The following NLRP14 variants were observed in gnomAD, a reference collection of about 807,000 sequenced individuals.
NLRP14 encodes the protein NACHT, LRR and PYD domains-containing protein 14.
In NLRP14, 105 loss-of-function variants were observed where a neutral mutation model predicts 94.7. The ratio of observed to expected loss-of-function variants is 1.11; its 90% CI spans 0.95 to 1.30. The LOEUF (loss-of-function observed/expected upper bound fraction) is 1.30. Ranked by LOEUF, NLRP14 falls within the 50% of genes most tolerant of loss-of-function variation. NLRP14 has a pLI of 0.00. For missense variants in NLRP14, 1,362 were observed against 1,254.1 expected (o/e 1.09, Z -1.30); for synonymous variants, 508 against 459.9 (o/e 1.10, Z -1.34).
chr11:7,041,483 T>C (rs997128139), intron 3 of NLRP14, among the ~76,000 whole-genome samples: 1 of 152,136 alleles, frequency 6.6e-6, no homozygotes, highest in African/African-American at 2.4e-5. Flanking sequence ...CATATCTTTT[T>C]TGGTTATTAT....
At chr11:7,087,258 A>G in the NLRP14 span, among the ~76,000 whole-genome samples, 6 of 152,342 alleles carry the variant, frequency 3.9e-5, no homozygotes, top group African/African-American at 1.4e-4. Flanking sequence ...GCCAATACCA[A>G]TGTGTAACCT....
chr11:7,089,070 C>G, the NLRP14 span: 215 of 1,579,784 alleles, frequency 1.4e-4, no homozygotes, highest in African/African-American at 2.7e-3. Flanking sequence ...CTGCGACTGG[C>G]GCCGCCTCAC....
At chr11:7,048,665 G>A (rs1852396216) in intron 5 of NLRP14, among the ~76,000 whole-genome samples, 1 of 152,022 alleles carries the variant, frequency 6.6e-6, no homozygotes, top group Admixed American at 6.6e-5. Context: ...ATGATTACGG[G>A]GTTCCTGGAA....
At chr11:7,040,811 A>C (rs1030259732) in intron 3 of NLRP14, among the ~76,000 whole-genome samples, 1 of 152,102 alleles carries the variant, frequency 6.6e-6, no homozygotes, top group Non-Finnish European at 1.5e-5. Flanking sequence ...ATAACATCCC[A>C]CTGTGACCTT....
At position 7,039,857 on chromosome 11, in the gene NLRP14, C is replaced by G. The variant is rs147192914; in HGVS notation, c.361+72C>G. On this transcript the variant is annotated intron_variant, in intron 3 of 11. Coordinates refer to ENST00000299481, the MANE Select transcript of NLRP14 (RefSeq NM_176822.4). ...TGATACAGGACGGTGATTTATCTCC[C>G]GAGGACTTTTGTTCAAATCTTGTTA... 4 of 1,175,606 alleles carry G rather than the reference C, an allele frequency of 3.4e-6. No individual in the cohort carries two copies. The South Asian group carries it at 3.6e-5, about 11-fold the overall frequency. The allele number at this position is 1,175,606 out of a possible 1,614,324, so 72.8% of individuals were successfully genotyped here. A position where few individuals can be genotyped will look rare whatever the true frequency, so the allele number is the denominator to read the frequency against.
intron 11 of NLRP14, among the ~76,000 whole-genome samples, chr11:7,070,868 G>C (rs915878272): frequency 6.6e-6 from 1 of 152,128 alleles, no homozygotes; most frequent in Non-Finnish European, 1.5e-5. Flanking sequence ...TATGTTCTCT[G>C]TTTTTATTAT....
chr11:7,079,865 T>C, the NLRP14 span, among the ~76,000 whole-genome samples: 5 of 152,180 alleles, frequency 3.3e-5, no homozygotes, highest in African/African-American at 1.2e-4. Context: ...CTGAACCCGA[T>C]TGGCTAACTT....
Position 7,049,812 on chromosome 11 carries a change from C to A in NLRP14, c.2265C>A (p.His755Gln), listed in dbSNP as rs1049146006. 1.9e-6 allele frequency: 3 copies of A among 1,612,506 alleles called. No individual in the cohort carries two copies. Among genetic ancestry groups the A allele is most frequent in the African/African-American group, 1.3e-5 (1 of 74,880 alleles). ...GVKSLCEALK[H>Q]PECKLQTLRL... The stretch of plus-strand genomic sequence containing the variant: ...AGTCATTGTGTGAGGCCTTGAAACA[C>A]CCAGAGTGTAAACTACAGACTCTCA... The change falls in exon 6 of 12, where the codon CAC (histidine) becomes CAA (glutamine). Residue 755 changes from histidine (H) to glutamine (Q), a missense_variant. His to Gln is a conservative substitution (Grantham distance 24). Coordinates refer to ENST00000299481, the MANE Select transcript of NLRP14 (RefSeq NM_176822.4).
At chr11:7,089,430 C>A in the NLRP14 span, 2 of 1,551,148 alleles carry the variant, frequency 1.3e-6, no homozygotes, top group South Asian at 1.2e-5. Flanking sequence ...CAGCCGCGGT[C>A]GCCCGAGGTT....
At chr11:7,021,265 GAGTTAGTGTAGTTAAAATGCTTAAACC>G (rs1436354279) in intron 1 of NLRP14, among the ~76,000 whole-genome samples, 1 of 152,204 alleles carries the variant, frequency 6.6e-6, no homozygotes, top group African/African-American at 2.4e-5. Flanking sequence ...AGATTGAAAT[GAGTTAGTGTAGTTAAAATGCTTAAACC>G]AGCCCCTTGC....
chr11:7,065,987 C>G lies in NLRP14; in HGVS notation c.2975+3484C>G, dbSNP rs146260897. Among the ~76,000 whole-genome samples the G allele has an allele frequency of 5.7e-3, 875 of 152,222 alleles. 5 individuals are homozygous for G. Among genetic ancestry groups the G allele is most frequent in the Middle Eastern group, 0.02 (6 of 294 alleles). The stretch of plus-strand genomic sequence containing the variant: ...GATTTTCTGTTCTTGTGTTAGTTTG[C>G]TGAGAATGATGGTTTCCAGCTTCAT... On this transcript the variant is annotated intron_variant, in intron 10 of 11. Transcript: ENST00000299481.
chr11:7,065,785 GTGCCACGGT>G (rs1852695540), intron 10 of NLRP14, among the ~76,000 whole-genome samples: 1 of 151,808 alleles, frequency 6.6e-6, no homozygotes, highest in African/African-American at 2.4e-5. Context: ...AGGTATACAC[GTGCCACGGT>G]GGTTTGCTGC....
intron 6 of NLRP14, among the ~76,000 whole-genome samples, chr11:7,056,408 T>G (rs902103525): frequency 6.6e-6 from 1 of 151,594 alleles, no homozygotes; most frequent in African/African-American, 2.4e-5. Context: ...AATGATCTCT[T>G]CTTTGCAGCT....
At chr11:7,048,953 G>C (rs778343459) in intron 5 of NLRP14, among the ~76,000 whole-genome samples, 1 of 151,608 alleles carries the variant, frequency 6.6e-6, no homozygotes, top group Non-Finnish European at 1.5e-5. Flanking sequence ...AGGATGGTTA[G>C]TGCTATAAAT....
At chr11:7,088,873 T>TA in the NLRP14 span, among the ~76,000 whole-genome samples, 1 of 152,110 alleles carries the variant, frequency 6.6e-6, no homozygotes, top group African/African-American at 2.4e-5. Flanking sequence ...AACAGGAAGT[T>TA]AAAGACTGAA....
chr11:7,045,514 C>T (rs908257492), intron 4 of NLRP14, among the ~76,000 whole-genome samples: 2 of 152,038 alleles, frequency 1.3e-5, no homozygotes, highest in African/African-American at 2.4e-5. Context: ...TTTGTGAGAG[C>T]AGGAGCTCTG....
chr11:7,046,765 G>A lies in NLRP14; in HGVS notation c.2056G>A (p.Asp686Asn). 6.2e-7 allele frequency: 1 copy of A among 1,613,568 alleles called. No homozygotes were observed. Among genetic ancestry groups the A allele is most frequent in the Non-Finnish European group, 8.5e-7 (1 of 1,179,506 alleles). Reference sequence around the variant, plus strand: ...ATTGGACCTGTACCATAGCAACCTTGATAAATCAGCAATGAATATCCTGCA... The same window carrying A: ...ATTGGACCTGTACCATAGCAACCTTAATAAATCAGCAATGAATATCCTGCA... The part of the protein sequence containing the change: ...RELDLYHSNL[D>N]KSAMNILHHE... The change falls in exon 5 of 12, where the codon GAT becomes AAT. Residue 686 changes from aspartate (D) to asparagine (N), a missense_variant. Asp to Asn is a conservative substitution (Grantham distance 23). Transcript: ENST00000299481.
intron 7 of NLRP14, 147 bp from the exon 8 acceptor site, chr11:7,058,133 T>C: frequency 2.8e-6 from 2 of 713,636 alleles, no homozygotes; most frequent in East Asian, 5.3e-5. Flanking sequence ...ACAGCTGCAA[T>C]GGAATTCGTA....
chr11:7,054,173 T>G (rs1415504189), intron 6 of NLRP14, among the ~76,000 whole-genome samples: 1 of 152,180 alleles, frequency 6.6e-6, no homozygotes, highest in East Asian at 1.9e-4. Context: ...CTCCAGTGTG[T>G]GTATGTACCA....
Sources: allele counts gnomAD v4.1 joint callset (sites outside exome capture counted in the v4.1 genomes callset), GRCh38; gene constraint gnomAD v4.1.1; transcripts MANE v1.5; gene names NCBI Gene and HGNC (gene_info 2026-07-23, HGNC 2026-07-21).